The following CRTC3 variants were observed in gnomAD, a reference collection of about 807,000 sequenced individuals.
CRTC3 encodes CREB regulated transcription coactivator 3.
A neutral mutation model predicts 74.5 loss-of-function variants in CRTC3; 26 were observed. The observed-to-expected ratio is 0.35, with a 90% CI of 0.26 to 0.48. The LOEUF is 0.48. Ranked by LOEUF, CRTC3 falls within the 20% of genes least tolerant of loss-of-function variation. CRTC3 has a pLI of 0.99. For missense variants in CRTC3, 760 were observed against 787.3 expected (o/e 0.97, Z 0.41); for synonymous variants, 377 against 325.8 (o/e 1.16, Z -1.69).
chr15:90,634,751 T>G, intron 11 of CRTC3: 1 of 996,354 alleles, frequency 1.0e-6, no homozygotes, highest in Non-Finnish European at 1.6e-6. Flanking sequence ...GTAGAAAGTT[T>G]TTTCCACTCT....
chr15:90,613,414 T>C (rs1968413768), intron 6 of CRTC3, among the ~76,000 whole-genome samples: 2 of 152,182 alleles, frequency 1.3e-5, no homozygotes, highest in African/African-American at 4.8e-5. Flanking sequence ...CCTCTTCGTA[T>C]TCCTGGGCAC....
chr15:90,645,069 A>G lies in CRTC3; in HGVS notation c.*2929A>G. 4.3e-6 allele frequency: 1 copy of G among 230,866 alleles called. No homozygotes were observed. Among genetic ancestry groups the G allele is most frequent in the Non-Finnish European group, 8.6e-6 (1 of 116,566 alleles). The allele number at this position is 230,866 out of a possible 1,614,324, so 14.3% of individuals were successfully genotyped here. A position where few individuals can be genotyped will look rare whatever the true frequency, so the allele number is the denominator to read the frequency against. ...TGTATATTACCTGAGCTGGTGTTGTATCTTCAAGTCCATATGCGTATTTGC... is the reference window on the plus strand; with the variant it reads ...TGTATATTACCTGAGCTGGTGTTGTGTCTTCAAGTCCATATGCGTATTTGC... On this transcript the variant is annotated 3_prime_UTR_variant, in exon 15 of 15. Transcript: ENST00000268184.
At chr15:90,534,051 A>C (rs1283626162) in intron 1 of CRTC3, among the ~76,000 whole-genome samples, 4 of 152,118 alleles carry the variant, frequency 2.6e-5, no homozygotes, top group Non-Finnish European at 5.9e-5. Context: ...AAACTATGTG[A>C]GATTTGCTTT....
intron 2 of CRTC3, among the ~76,000 whole-genome samples, chr15:90,569,321 T>A: frequency 7.5e-6 from 1 of 133,494 alleles, no homozygotes; most frequent in Admixed American, 7.1e-5. Context: ...AAAACCTTTT[T>A]TTTTTTTTTT....
At chr15:90,586,235 C>T (rs1178769289) in intron 2 of CRTC3, among the ~76,000 whole-genome samples, 1 of 152,026 alleles carries the variant, frequency 6.6e-6, no homozygotes, top group Non-Finnish European at 1.5e-5. Context: ...CGATTAGGCA[C>T]CCCTTTGTAC....
intron 7 of CRTC3, among the ~76,000 whole-genome samples, chr15:90,615,576 T>C (rs1209515996): frequency 2.0e-5 from 3 of 152,202 alleles, no homozygotes. Flanking sequence ...TCTAATCCAC[T>C]AGAACAGAAA....
At chr15:90,584,017 A>G (rs1031083885) in intron 2 of CRTC3, among the ~76,000 whole-genome samples, 1 of 151,982 alleles carries the variant, frequency 6.6e-6, no homozygotes, top group Non-Finnish European at 1.5e-5. Flanking sequence ...CCCACTTGTC[A>G]TGAGAATCAA....
At chr15:90,585,489 A>G (rs1334424980) in intron 2 of CRTC3, among the ~76,000 whole-genome samples, 2 of 152,094 alleles carry the variant, frequency 1.3e-5, no homozygotes, top group Admixed American at 6.6e-5. Context: ...TGTATATATC[A>G]GTACAAATCT....
chr15:90,606,637 TG>T (rs1177641692), intron 5 of CRTC3: 1 of 152,152 alleles, frequency 6.6e-6, no homozygotes, highest in Non-Finnish European at 1.5e-5. Flanking sequence ...GAATATCTAT[TG>T]ATATTAGAAA....
chr15:90,614,995 C>G (rs1399143398), intron 7 of CRTC3, among the ~76,000 whole-genome samples: 1 of 151,998 alleles, frequency 6.6e-6, no homozygotes, highest in African/African-American at 2.4e-5. Context: ...ACACGGGAGG[C>G]GGAGGTTACA....
chr15:90,632,064 A>C (rs772668866), intron 11 of CRTC3, among the ~76,000 whole-genome samples: 2 of 118,904 alleles, frequency 1.7e-5, no homozygotes, highest in Middle Eastern at 4.1e-3. Context: ...ATCACACCCG[A>C]CTAATTTTTG....
At chr15:90,580,817 G>A (rs1967522314) in intron 2 of CRTC3, among the ~76,000 whole-genome samples, 1 of 152,116 alleles carries the variant, frequency 6.6e-6, no homozygotes, top group Non-Finnish European at 1.5e-5. Flanking sequence ...CTTTAACTGA[G>A]ATTAAATGGA....
intron 11 of CRTC3, among the ~76,000 whole-genome samples, chr15:90,629,817 G>A (rs991416726): frequency 6.6e-6 from 1 of 152,066 alleles, no homozygotes; most frequent in African/African-American, 2.4e-5. Flanking sequence ...TCACCTCCCG[G>A]GCTCAAGCGA....
intron 2 of CRTC3, among the ~76,000 whole-genome samples, chr15:90,585,258 C>T (rs1202786370): frequency 6.6e-6 from 1 of 152,210 alleles, no homozygotes; most frequent in African/African-American, 2.4e-5. Flanking sequence ...GATCTTCCCA[C>T]CTCAGCCTCC....
At chr15:90,634,078 A>G (rs989569734) in intron 11 of CRTC3, among the ~76,000 whole-genome samples, 3 of 151,632 alleles carry the variant, frequency 2.0e-5, no homozygotes, top group African/African-American at 4.8e-5. Flanking sequence ...ACATAATACA[A>G]TAAGTCCTCC....
At chr15:90,593,084 C>T (rs377737450) in intron 2 of CRTC3, among the ~76,000 whole-genome samples, 4 of 152,014 alleles carry the variant, frequency 2.6e-5, no homozygotes, top group African/African-American at 9.7e-5. Context: ...ACCTGGGAGG[C>T]GGAGGTTGCA....
chr15:90,545,717 C>T (rs1966843069), intron 2 of CRTC3, among the ~76,000 whole-genome samples: 2 of 150,962 alleles, frequency 1.3e-5, no homozygotes, highest in South Asian at 4.2e-4. Context: ...GCTGGGACTA[C>T]AGGCACCTGC....
intron 2 of CRTC3, among the ~76,000 whole-genome samples, chr15:90,558,969 C>G (rs757046730): frequency 6.6e-6 from 1 of 152,030 alleles, no homozygotes; most frequent in Non-Finnish European, 1.5e-5. Flanking sequence ...CCAGGATGGT[C>G]TCGATCTCCT....
chr15:90,600,317 T>G (rs1674792788), intron 3 of CRTC3: 1 of 152,186 alleles, frequency 6.6e-6, no homozygotes, highest in African/African-American at 2.4e-5. Context: ...GATTCTGTAT[T>G]TATTTGAGCT....
Sources: allele counts gnomAD v4.1 joint callset (sites outside exome capture counted in the v4.1 genomes callset), GRCh38; gene constraint gnomAD v4.1.1; transcripts MANE v1.5; gene names NCBI Gene and HGNC (gene_info 2026-07-23, HGNC 2026-07-21).